The following PRICKLE1 variants were observed in gnomAD, a reference collection of about 807,000 sequenced individuals.
PRICKLE1 encodes the protein prickle-like protein 1.
In PRICKLE1, 14 loss-of-function variants were observed where a neutral mutation model predicts 70.2. The ratio of observed to expected loss-of-function variants is 0.20; its 90% CI spans 0.13 to 0.31. The LOEUF is 0.31. Ranked by LOEUF, PRICKLE1 falls within the 10% of genes least tolerant of loss-of-function variation. The pLI, the probability that PRICKLE1 is intolerant of heterozygous loss-of-function variation, is 1.00. For missense variants in PRICKLE1, 821 were observed against 1,026.2 expected, an observed-to-expected ratio of 0.80 and a Z score of 2.73; for synonymous variants, 357 against 379.9, an observed-to-expected ratio of 0.94 and a Z score of 0.70.
At chr12:42,495,929 G>A (rs1939193045) in intron 1 of PRICKLE1, among the ~76,000 whole-genome samples, 1 of 152,148 alleles carries the variant, frequency 6.6e-6, no homozygotes, top group Admixed American at 6.5e-5. Context: ...TCTTCCATGA[G>A]GGTTGAAATA....
chr12:42,466,053 G>A (rs749764615), intron 6 of PRICKLE1, 141 bp downstream of exon 6: 11 of 901,342 alleles, frequency 1.2e-5, no homozygotes, highest in Non-Finnish European at 1.8e-5. Context: ...CTCATCAGCT[G>A]GAACATTTAA....
intron 1 of PRICKLE1, among the ~76,000 whole-genome samples, chr12:42,500,762 A>C (rs775269039): frequency 3.9e-5 from 6 of 152,048 alleles, no homozygotes; most frequent in Non-Finnish European, 7.4e-5. Context: ...AATTCTAACA[A>C]TATGTCCCCA....
intron 1 of PRICKLE1, among the ~76,000 whole-genome samples, chr12:42,497,412 G>A (rs910551681): frequency 2.0e-5 from 3 of 152,054 alleles, no homozygotes; most frequent in African/African-American, 4.8e-5. Flanking sequence ...AGCAGGGCGT[G>A]GTGGTGGGTG....
intron 1 of PRICKLE1, among the ~76,000 whole-genome samples, chr12:42,492,424 ACT>A (rs1939123015): frequency 6.6e-6 from 1 of 152,240 alleles, no homozygotes. Context: ...AACTTTTAAC[ACT>A]GTTACCATGT....
At chr12:42,523,956 C>A (rs1183818546) in intron 1 of PRICKLE1, among the ~76,000 whole-genome samples, 1 of 152,222 alleles carries the variant, frequency 6.6e-6, no homozygotes, top group Admixed American at 6.5e-5. Flanking sequence ...TGCTTAGGAA[C>A]AACTGTGTTG....
chr12:42,529,832 A>G (rs1457049846), intron 1 of PRICKLE1, among the ~76,000 whole-genome samples: 1 of 152,144 alleles, frequency 6.6e-6, no homozygotes, highest in African/African-American at 2.4e-5. Flanking sequence ...AGAAGCAATG[A>G]GCCAAGATTG....
Position 42,469,471 on chromosome 12 carries a change from G to C in PRICKLE1, c.363C>G (p.Val121=). 1 of 1,614,140 alleles carries C rather than the reference G, an allele frequency of 6.2e-7. No homozygotes were observed. The highest frequency in any genetic ancestry group is 8.5e-7 in the Non-Finnish European group (1 of 1,180,044). ...RGTIKLLSRA[V]MHAVCEQCGL... Reference sequence around the variant, plus strand: ...TCACCTGCTCACACACAGCATGCATGACTGCTCTGGACAGAAGCTTAATTG... The same window carrying C: ...TCACCTGCTCACACACAGCATGCATCACTGCTCTGGACAGAAGCTTAATTG... The change falls in exon 4 of 8, where the codon GTC becomes GTG. Residue 121 remains valine, a synonymous_variant. Transcript: ENST00000345127.
At position 42,460,155 on chromosome 12, in the gene PRICKLE1, CT is replaced by C. The variant is rs2140085960; in HGVS notation, c.2149del (p.Ser717ValfsTer32). 1 of 1,614,062 alleles carries C rather than the reference CT, an allele frequency of 6.2e-7. No individual in the cohort carries two copies. On this transcript the variant is annotated frameshift_variant, in exon 8 of 8. Coordinates refer to ENST00000345127, the MANE Select transcript of PRICKLE1 (RefSeq NM_153026.3). LOFTEE classifies it high-confidence loss of function. ...DNYEKFIQNKSAREIQAYIQN... is the reference protein window; with the variant it reads ...DNYEKFIQNKXAREIQAYIQN... ...GATGTATGCTTGGATCTCCCGGGCA[CT>C]TTTATTCTGTATAAATTTCTCATAG...
intron 1 of PRICKLE1, among the ~76,000 whole-genome samples, chr12:42,479,264 G>T (rs1228662644): frequency 6.6e-6 from 1 of 152,162 alleles, no homozygotes; most frequent in African/African-American, 2.4e-5. Flanking sequence ...TCTTCTTTTT[G>T]AGCTTGCGAG....
chr12:42,580,090 G>T (rs548587060), intron 1 of PRICKLE1, among the ~76,000 whole-genome samples: 1 of 152,164 alleles, frequency 6.6e-6, no homozygotes, highest in Admixed American at 6.6e-5. Context: ...GGCCAGGCTG[G>T]TCTCGAACTC....
chr12:42,545,895 C>CAT (rs375757064), intron 1 of PRICKLE1, among the ~76,000 whole-genome samples: 1,552 of 144,890 alleles, frequency 0.011, 24 homozygotes, highest in African/African-American at 0.029. Context: ...AAAATATATC[C>CAT]ATATATATAT....
At position 42,460,214 on chromosome 12, in the gene PRICKLE1, G is replaced by A. The variant is rs756787066; in HGVS notation, c.2091C>T (p.Pro697=). The A allele has an allele frequency of 9.9e-5, 159 of 1,613,972 alleles. No homozygotes were observed. Among genetic ancestry groups the A allele is most frequent in the Non-Finnish European group, 1.3e-4 (155 of 1,180,032 alleles). The change falls in exon 8 of 8, where the codon CCC becomes CCT. Residue 697 remains proline, a synonymous_variant. Coordinates refer to ENST00000345127, the MANE Select transcript of PRICKLE1 (RefSeq NM_153026.3). The part of the protein sequence containing the change: ...LNLVTERKYS[P]KDRLRLYTPD... ...GGGTGTACAGCCGCAGTCTGTCCTTGGGAGAGTATTTTCTTTCTGTAACAA... is the reference window on the plus strand; with the variant it reads ...GGGTGTACAGCCGCAGTCTGTCCTTAGGAGAGTATTTTCTTTCTGTAACAA...
intron 1 of PRICKLE1, among the ~76,000 whole-genome samples, chr12:42,508,239 G>A (rs565218971): frequency 5.3e-5 from 8 of 152,230 alleles, no homozygotes; most frequent in African/African-American, 1.9e-4. Context: ...GATCCTCCAC[G>A]CTCATACTGC....
At chr12:42,556,332 C>A (rs1230282945) in intron 1 of PRICKLE1, among the ~76,000 whole-genome samples, 1 of 152,220 alleles carries the variant, frequency 6.6e-6, no homozygotes, top group African/African-American at 2.4e-5. Context: ...CATCACAAGA[C>A]ATGATCATCT....
chr12:42,545,774 C>T (rs11181548), intron 1 of PRICKLE1, among the ~76,000 whole-genome samples: 18,838 of 151,640 alleles, frequency 0.12, 1,495 homozygotes, highest in East Asian at 0.18. Flanking sequence ...CGCTTGAACT[C>T]GGTAGGCAAA....
Position 42,464,179 on chromosome 12 carries a change from C to A in PRICKLE1, c.1639+216G>T, listed in dbSNP as rs1177104065. Among the ~76,000 whole-genome samples the A allele has an allele frequency of 6.6e-6, 1 of 152,104 alleles. No homozygotes were observed. Among genetic ancestry groups the A allele is most frequent in the Non-Finnish European group, 1.5e-5 (1 of 68,036 alleles). On this transcript the variant is annotated intron_variant, in intron 7 of 7. Coordinates refer to ENST00000345127, the MANE Select transcript of PRICKLE1 (RefSeq NM_153026.3). This position sits in a 1 kb window ranked among gnomAD's most constrained non-coding sequence, Gnocchi z 4.2. Reference sequence around the variant, plus strand: ...GAGTAGCTGGGATCACAGGCCCATGCCCAGCTAATTTTTGTATTTTTAGTA... The same window carrying A: ...GAGTAGCTGGGATCACAGGCCCATGACCAGCTAATTTTTGTATTTTTAGTA...
intron 1 of PRICKLE1, among the ~76,000 whole-genome samples, chr12:42,477,532 AT>A (rs1938616633): frequency 7.3e-6 from 1 of 137,092 alleles, no homozygotes; most frequent in African/African-American, 2.7e-5. Flanking sequence ...ATATATATAT[AT>A]GACCTCACAA....
intron 1 of PRICKLE1, among the ~76,000 whole-genome samples, chr12:42,523,841 T>G (rs991974227): frequency 3.9e-5 from 6 of 152,270 alleles, no homozygotes; most frequent in Admixed American, 2.6e-4. Flanking sequence ...ATCTTTGATG[T>G]CAAACACAGC....
Position 42,459,152 on chromosome 12 carries a change from C to A in PRICKLE1, c.*657G>T. 1 of 549,254 alleles carries A rather than the reference C, an allele frequency of 1.8e-6. No individual in the cohort carries two copies. The highest frequency in any genetic ancestry group is 3.3e-6 in the Non-Finnish European group (1 of 307,568). 34.0% of individuals were successfully genotyped at this position (549,254 alleles called of 1,614,324 possible). A position where few individuals can be genotyped will look rare whatever the true frequency, so the allele number is the denominator to read the frequency against. On this transcript the variant is annotated 3_prime_UTR_variant, in exon 8 of 8. Coordinates refer to ENST00000345127, the MANE Select transcript of PRICKLE1 (RefSeq NM_153026.3). Reference sequence around the variant, plus strand: ...CAATTCAGGGATATAAAAATATCAGCTTTAAAATCTGAACTGTACAGTATA... The same window carrying A: ...CAATTCAGGGATATAAAAATATCAGATTTAAAATCTGAACTGTACAGTATA...
Sources: gnomAD v4.1 joint callset for allele counts (sites outside exome capture counted in the v4.1 genomes callset) on GRCh38, gnomAD v4.1.1 for gene constraint, Gnocchi (gnomAD v3.1) non-coding constraint, MANE v1.5 for transcripts, NCBI Gene and HGNC (gene_info 2026-07-23, HGNC 2026-07-21) for gene names.